AKAP13: variants seen among roughly 807,000 people sequenced by gnomAD.
AKAP13 encodes A-kinase anchoring protein 13, also known as A-kinase anchor protein 13.
Under a neutral mutation model 264.5 loss-of-function variants are expected in AKAP13, and 80 were observed. The ratio of observed to expected loss-of-function variants is 0.30; its 90% confidence interval spans 0.25 to 0.36. The LOEUF is 0.36. Ranked by LOEUF, AKAP13 falls within the 10% of genes least tolerant of loss-of-function variation. The probability of loss-of-function intolerance (pLI) is 1.00; values close to 1 mark genes in which losing one functional copy is unlikely to be tolerated. For missense variants in AKAP13, 3,712 were observed against 3,435.2 expected, an observed-to-expected ratio of 1.08 and a Z score of -2.01; for synonymous variants, 1,380 against 1,250.2, an observed-to-expected ratio of 1.10 and a Z score of -2.19.
At chr15:85,700,362 T>A (rs977919260) in intron 17 of AKAP13, among the ~76,000 whole-genome samples, 1 of 152,194 alleles carries the variant, frequency 6.6e-6, no homozygotes, top group African/African-American at 2.4e-5. Context: ...GAAGCACACA[T>A]AGCTAGGACA....
chr15:85,514,456 A>G lies in AKAP13; in HGVS notation c.34-6972A>G, dbSNP rs542911849. On this transcript the variant is annotated intron_variant, in intron 2 of 36. Coordinates refer to ENST00000394518, the MANE Select transcript of AKAP13 (RefSeq NM_007200.5). ...TTGAGCACTTCATTGTTTTCTGTCA[A>G]AACAAGATATTACAGTCTCATCTTA... 1.4e-5 allele frequency among the ~76,000 whole-genome samples: 2 copies of G among 138,014 alleles called. 1 individual carries two copies. The highest frequency in any genetic ancestry group is 4.1e-4 in the East Asian group (2 of 4,884). 90.5% of individuals were successfully genotyped at this position (138,014 alleles called of 152,430 possible).
In AKAP13 at chr15:85,639,439, G is replaced by T; in HGVS notation, c.4227G>T (p.Lys1409Asn). Residue 1409 changes from lysine to asparagine, a missense_variant, in exon 9 of 37, where the codon AAG becomes AAT. Around this residue, in one of 3 missense-constraint regions of AKAP13, gnomAD observed 2,759 missense variants for 2,411.7 expected, o/e 1.14. Transcript: ENST00000394518. The part of the protein sequence containing the change: ...CPDAASLLAS[K>N]QSPECENFLD... ...ATGCAGCATCTCTTCTGGCTTCCAA[G>T]CAGAGCCCAGGTAAGCTGAGATTAT... 1 of 1,611,854 alleles carries T rather than the reference G, an allele frequency of 6.2e-7. No homozygotes were observed.
intron 2 of AKAP13, among the ~76,000 whole-genome samples, chr15:85,498,824 T>C (rs992367428): frequency 2.0e-5 from 3 of 152,178 alleles, no homozygotes; most frequent in African/African-American, 4.8e-5. Flanking sequence ...CACTAGGAAC[T>C]TGGTAGAAAT....
chr15:85,719,602 C>A (rs1435986200), intron 23 of AKAP13, among the ~76,000 whole-genome samples: 2 of 152,146 alleles, frequency 1.3e-5, no homozygotes, highest in Non-Finnish European at 2.9e-5. Flanking sequence ...TTTTCTTCCT[C>A]AGAGTCTGTG....
intron 5 of AKAP13, among the ~76,000 whole-genome samples, chr15:85,565,442 G>A (rs1484614570): frequency 6.6e-6 from 1 of 152,098 alleles, no homozygotes; most frequent in East Asian, 1.9e-4. Context: ...GTCCTGCAAG[G>A]CCTGATTTGG....
chr15:85,650,786 A>AAAAAC (rs2082789295), intron 10 of AKAP13, among the ~76,000 whole-genome samples: 7 of 132,422 alleles, frequency 5.3e-5, no homozygotes, highest in Non-Finnish European at 8.2e-5. Context: ...AAAAAAAAAA[A>AAAAAC]AAAACAACAA....
intron 1 of AKAP13, among the ~76,000 whole-genome samples, chr15:85,450,356 G>C (rs927389549): frequency 6.6e-6 from 1 of 151,172 alleles, no homozygotes; most frequent in African/African-American, 2.4e-5. Context: ...TTCATGTCTT[G>C]ATTTCCTTCA....
intron 2 of AKAP13, among the ~76,000 whole-genome samples, chr15:85,510,834 T>G (rs1413205753): frequency 1.3e-5 from 2 of 152,210 alleles, no homozygotes; most frequent in Admixed American, 6.5e-5. Flanking sequence ...CAAATGAGCT[T>G]TCTGAAACAT....
chr15:85,619,288 A>C, intron 8 of AKAP13: 1 of 875,516 alleles, frequency 1.1e-6, no homozygotes, highest in East Asian at 1.2e-4. Flanking sequence ...CGGAGCTGAA[A>C]GGGCAAGCAG....
At chr15:85,442,531 T>TGAGC (rs2073740836) in intron 1 of AKAP13, among the ~76,000 whole-genome samples, 1 of 129,236 alleles carries the variant, frequency 7.7e-6, no homozygotes, top group Non-Finnish European at 1.6e-5. Context: ...ATATTATATA[T>TGAGC]AATATATATT....
At chr15:85,549,465 A>T (rs368726632) in intron 5 of AKAP13, among the ~76,000 whole-genome samples, 65 of 152,342 alleles carry the variant, frequency 4.3e-4, no homozygotes, top group African/African-American at 1.5e-3. Context: ...ACAAATCTTC[A>T]TTTATTGAAT....
intron 29 of AKAP13, 67 bp from the exon 30 acceptor site, chr15:85,730,446 G>C (rs1222952789): frequency 4.1e-5 from 63 of 1,522,718 alleles, no homozygotes; most frequent in Middle Eastern, 2.0e-4. Context: ...GGTGGTGCTC[G>C]TGTCTTAGTC....
At chr15:85,585,883 C>T in intron 8 of AKAP13, 60 bp downstream of exon 8, 1 of 1,586,396 alleles carries the variant, frequency 6.3e-7, no homozygotes, top group African/African-American at 1.3e-5. Context: ...TCTGCTGTGT[C>T]TTATTTATGG....
At chr15:85,529,985 GAC>G (rs1264163591) in intron 3 of AKAP13, among the ~76,000 whole-genome samples, 2 of 152,054 alleles carry the variant, frequency 1.3e-5, no homozygotes, top group Non-Finnish European at 2.9e-5. Flanking sequence ...TTAACAATTG[GAC>G]AGTTTCTCAG....
At chr15:85,420,434 T>C (rs951685960) in intron 1 of AKAP13, among the ~76,000 whole-genome samples, 1 of 152,190 alleles carries the variant, frequency 6.6e-6, no homozygotes, top group East Asian at 1.9e-4. Context: ...TGATTTCTTA[T>C]CTTTCCTGCT....
chr15:85,417,680 C>T (rs962981908), intron 1 of AKAP13, among the ~76,000 whole-genome samples: 3 of 152,190 alleles, frequency 2.0e-5, no homozygotes, highest in African/African-American at 7.2e-5. Context: ...TTGCCATTTT[C>T]TGCTGTATTC....
intron 5 of AKAP13, among the ~76,000 whole-genome samples, chr15:85,557,316 T>G (rs1266771977): frequency 6.6e-6 from 1 of 152,220 alleles, no homozygotes; most frequent in East Asian, 1.9e-4. Context: ...AAATAAGATA[T>G]TTATGATGAA....
Position 85,580,949 on chromosome 15 carries a change from C to A in AKAP13, c.2881C>A (p.Gln961Lys), listed in dbSNP as rs374015182. ...AACACCACCTCCTGGACAAGATACT[C>A]AACAATTTCATGAAAAATCAATCTC... is the stretch of plus-strand genomic sequence containing the variant. ...QRTPPPGQDT[Q>K]QFHEKSISAD... Residue 961 changes from glutamine to lysine, a missense_variant, in exon 7 of 37, where the codon CAA (glutamine) becomes AAA (lysine). By Grantham distance (53) the Gln-to-Lys change is moderately conservative. Coordinates refer to ENST00000394518, the MANE Select transcript of AKAP13 (RefSeq NM_007200.5). The A allele has an allele frequency of 3.2e-5, 52 of 1,614,026 alleles. No homozygotes were observed. Among genetic ancestry groups the A allele is most frequent in the Non-Finnish European group, 4.3e-5 (51 of 1,180,036 alleles).
chr15:85,618,109 G>A (rs549528855), intron 8 of AKAP13, among the ~76,000 whole-genome samples: 5 of 152,160 alleles, frequency 3.3e-5, no homozygotes, highest in Admixed American at 6.5e-5. Flanking sequence ...TTTTATTTCA[G>A]AATAAAGCCT....
Sources: gnomAD v4.1 joint callset for allele counts (sites outside exome capture counted in the v4.1 genomes callset) on GRCh38, gnomAD v4.1.1 for gene constraint, gnomAD v4.1.1 regional missense constraint, MANE v1.5 for transcripts, NCBI Gene and HGNC (gene_info 2026-07-23, HGNC 2026-07-21) for gene names.